Variants in ZKSCAN7 observed in about 807,000 individuals in gnomAD.
ZKSCAN7 encodes the protein zinc finger with KRAB and SCAN domains 7, also known as zinc finger protein with KRAB and SCAN domains 7.
A neutral mutation model predicts 65.3 loss-of-function variants in ZKSCAN7; 38 were observed. The ratio of observed to expected loss-of-function variants is 0.58; its 90% confidence interval spans 0.45 to 0.76. The LOEUF is 0.76. ZKSCAN7 is among the 30% of genes least tolerant of loss of function. The probability of loss-of-function intolerance (pLI) is 0.00; values close to 1 mark genes in which losing one functional copy is unlikely to be tolerated. For missense variants in ZKSCAN7, 815 were observed against 913.3 expected (o/e 0.89, Z 1.39); for synonymous variants, 321 against 321.0 (o/e 1.00, Z 0.00).
rs766396706 is a variant in ZKSCAN7, at chr3:44,570,787, C to G, written c.1677C>G (p.Ala559=). The G allele has an allele frequency of 6.2e-7, 1 of 1,614,152 alleles. No homozygotes were observed. The highest frequency in any genetic ancestry group is 1.1e-5 in the South Asian group (1 of 91,072). The change falls in exon 6 of 6, where the codon GCC becomes GCG. Residue 559 remains alanine (A), a synonymous_variant. Transcript: ENST00000426540. ...ATGAGTGTAGTGAATGTGGCAAAGCCTTCAGTCGGAGTAAATGTCTTATTC... is the reference window on the plus strand; with the variant it reads ...ATGAGTGTAGTGAATGTGGCAAAGCGTTCAGTCGGAGTAAATGTCTTATTC... ...KPYECSECGK[A]FSRSKCLIRH... is the part of the protein sequence containing the mutation.
At position 44,565,397 on chromosome 3, in the gene ZKSCAN7, C is replaced by T. The variant is rs190830678; in HGVS notation, c.424-90C>T. 1.2e-3 allele frequency: 1,559 copies of T among 1,326,016 alleles called. 6 individuals are homozygous for T. Among genetic ancestry groups the T allele is most frequent in the Admixed American group, 8.4e-3 (303 of 35,922 alleles). 82.1% of individuals were successfully genotyped at this position (1,326,016 alleles called of 1,614,324 possible). A position where few individuals can be genotyped will look rare whatever the true frequency, so the allele number is the denominator to read the frequency against. On this transcript the variant is annotated intron_variant, in intron 2 of 5. Coordinates refer to ENST00000426540, the MANE Select transcript of ZKSCAN7 (RefSeq NM_001288590.2). ...ACACCCTGGCTCTTCTTTTCCCTGGCTTTCTTTCTGGAGGGAGCTGCTTAG... is the reference window on the plus strand; with the variant it reads ...ACACCCTGGCTCTTCTTTTCCCTGGTTTTCTTTCTGGAGGGAGCTGCTTAG...
chr3:44,560,466 C>T (rs1409420867), intron 2 of ZKSCAN7, among the ~76,000 whole-genome samples: 1 of 150,790 alleles, frequency 6.6e-6, no homozygotes, highest in Non-Finnish European at 1.5e-5. Flanking sequence ...TGCTGGGCTG[C>T]AGAGTCATGC....
Position 44,568,336 on chromosome 3 carries a change from A to G in ZKSCAN7, c.714A>G (p.Val238=), listed in dbSNP as rs969423709. ...QDTVAYEDLS[V]DYTQKKWKSL... The stretch of plus-strand genomic sequence containing the variant: ...CTGTGGCATATGAGGACCTATCTGT[A>G]GACTACACTCAGAAGAAATGGAAAA... Residue 238 remains valine (V), a synonymous_variant, in exon 5 of 6, where the codon GTA becomes GTG. Transcript: ENST00000426540. 1.6e-5 allele frequency: 26 copies of G among 1,613,880 alleles called. No individual in the cohort carries two copies. Among genetic ancestry groups the G allele is most frequent in the Non-Finnish European group, 2.0e-5 (24 of 1,179,970 alleles).
chr3:44,580,125 A>G, intron 5 of ZKSCAN7: 9 of 1,609,590 alleles, frequency 5.6e-6, no homozygotes, highest in Non-Finnish European at 7.6e-6. Context: ...AAACTTTTCA[A>G]TCACCTGGGA....
downstream of ZKSCAN7, among the ~76,000 whole-genome samples, chr3:44,575,518 AT>A (rs1699906111): frequency 6.6e-6 from 1 of 152,262 alleles, no homozygotes; most frequent in Non-Finnish European, 1.5e-5. Flanking sequence ...TTATCAAGTT[AT>A]AAAAAATCTA....
chr3:44,581,305 T>C (rs1700081904), intron 5 of ZKSCAN7, among the ~76,000 whole-genome samples: 1 of 150,392 alleles, frequency 6.6e-6, no homozygotes, highest in Non-Finnish European at 1.5e-5. Flanking sequence ...GCGGCCCGCC[T>C]CTCAAGCTCC....
chr3:44,572,867 A>AAAAAAAAAAAAAAAAAAAAAAAC (rs1699848049), downstream of ZKSCAN7, among the ~76,000 whole-genome samples: 1 of 149,924 alleles, frequency 6.7e-6, no homozygotes. Flanking sequence ...AAAAAAAAAA[A>AAAAAAAAAAAAAAAAAAAAAAAC]AAAGAACTGT....
downstream of ZKSCAN7, among the ~76,000 whole-genome samples, chr3:44,572,743 G>C (rs994065455): frequency 1.3e-5 from 2 of 150,960 alleles, no homozygotes; most frequent in African/African-American, 4.9e-5. Context: ...CCAGCTATTC[G>C]GGAGGCTGAG....
chr3:44,571,886 C>A lies in ZKSCAN7; in HGVS notation c.*511C>A. On this transcript the variant is annotated 3_prime_UTR_variant, in exon 6 of 6. Transcript: ENST00000426540. ...TTCTTCTGTTTGCTAATCTTTGTCC[C>A]TCACAATTTTTGAAATCCATCTCAT... 6 of 986,856 alleles carry A rather than the reference C, an allele frequency of 6.1e-6. No homozygotes were observed. Among genetic ancestry groups the A allele is most frequent in the Non-Finnish European group, 7.2e-6 (6 of 830,846 alleles). The allele number at this position is 986,856 out of a possible 1,614,324, so 61.1% of individuals were successfully genotyped here. A position where few individuals can be genotyped will look rare whatever the true frequency, so the allele number is the denominator to read the frequency against.
chr3:44,580,266 C>T (rs1700039516), intron 5 of ZKSCAN7: 1 of 1,613,804 alleles, frequency 6.2e-7, no homozygotes, highest in African/African-American at 1.3e-5. Flanking sequence ...TTTGCGGCCA[C>T]AGTCCATGCG....
intron 2 of ZKSCAN7, 112 bp from the exon 3 acceptor site, chr3:44,565,375 C>A: frequency 9.0e-7 from 1 of 1,105,972 alleles, no homozygotes; most frequent in Non-Finnish European, 1.3e-6. Flanking sequence ...TGGAAGGACA[C>A]CCTGGCTCTT....
Position 44,570,496 on chromosome 3 carries a change from T to C in ZKSCAN7, c.1386T>C (p.Asn462=). The change falls in exon 6 of 6, where the codon AAT becomes AAC. Residue 462 remains asparagine (N), a synonymous_variant. Coordinates refer to ENST00000426540, the MANE Select transcript of ZKSCAN7 (RefSeq NM_001288590.2). ...SHLIQHQRLH[N]GEKPYKCNEC... ...TCATTCAACACCAGAGACTCCATAA[T>C]GGGGAGAAACCCTATAAATGTAATG... The C allele has an allele frequency of 6.2e-7, 1 of 1,614,192 alleles. No homozygotes were observed. The highest frequency in any genetic ancestry group is 8.5e-7 in the Non-Finnish European group (1 of 1,180,026).
downstream of ZKSCAN7, among the ~76,000 whole-genome samples, chr3:44,574,245 T>G (rs7623875): frequency 0.72 from 109,788 of 151,988 alleles, 39,851 homozygotes; most frequent in East Asian, 0.83. Flanking sequence ...CCAAGTAGCT[T>G]GGACTACAGG....
At chr3:44,579,845 T>C in intron 5 of ZKSCAN7, 2 of 1,611,528 alleles carry the variant, frequency 1.2e-6, no homozygotes. Context: ...GTCCTCATAC[T>C]GCTTAGTCAG....
rs947388020 is a variant in ZKSCAN7 at position 44,563,763 on chromosome 3, C to T, written c.424-1724C>T. On this transcript the variant is annotated intron_variant, in intron 2 of 5. Transcript: ENST00000426540. ...CCATATCAAAGTCCTAGATAATGAA[C>T]AGGAACTTTACCAGGATTAAATTAT... Among the ~76,000 whole-genome samples the T allele has an allele frequency of 4.7e-5, 7 of 150,402 alleles. No individual in the cohort carries two copies. The Admixed American group carries it at 4.7e-4, about 10-fold the overall frequency.
At position 44,562,977 on chromosome 3, in the gene ZKSCAN7, A is replaced by AAC. The variant is rs201357110; in HGVS notation, c.424-2509_424-2508insCA. On this transcript the variant is annotated intron_variant, in intron 2 of 5. Coordinates refer to ENST00000426540, the MANE Select transcript of ZKSCAN7 (RefSeq NM_001288590.2). ...AGAATGAGACTCCATCTCAAAAAACAAAAAAAAAAAAAGGAAATTTCTTCT... is the reference window on the plus strand; with the variant it reads ...AGAATGAGACTCCATCTCAAAAAACAACAAAAAAAAAAAAGGAAATTTCTTCT... Among the ~76,000 whole-genome samples the AAC allele has an allele frequency of 4.0e-3, 542 of 136,736 alleles. 4 individuals are homozygous for AAC. Among genetic ancestry groups the AAC allele is most frequent in the Non-Finnish European group, 6.8e-3 (440 of 64,464 alleles). The allele number at this position is 136,736 out of a possible 152,430, so 89.7% of individuals were successfully genotyped here. A position where few individuals can be genotyped will look rare whatever the true frequency, so the allele number is the denominator to read the frequency against.
Position 44,571,546 on chromosome 3 carries a change from C to T in ZKSCAN7, c.*171C>T, listed in dbSNP as rs917391535. On this transcript the variant is annotated 3_prime_UTR_variant, in exon 6 of 6. Transcript: ENST00000426540. ...GGAGTAACTTATTCCAGTTCTTACC[C>T]ATTATTAGGAAGGTAAGGACTACAC... 5 of 1,503,032 alleles carry T rather than the reference C, an allele frequency of 3.3e-6. No individual in the cohort carries two copies. The highest frequency in any genetic ancestry group is 1.4e-5 in the African/African-American group (1 of 71,758). 93.1% of individuals were successfully genotyped at this position (1,503,032 alleles called of 1,614,324 possible). A position where few individuals can be genotyped will look rare whatever the true frequency, so the allele number is the denominator to read the frequency against.
Position 44,565,869 on chromosome 3 carries a change from A to G in ZKSCAN7, c.592+214A>G, listed in dbSNP as rs556294252. Among the ~76,000 whole-genome samples, 15 of 152,354 alleles carry G rather than the reference A, an allele frequency of 9.8e-5. No homozygotes were observed. In the South Asian group the frequency reaches 3.1e-3, roughly 32 times the overall value. Reference sequence around the variant, plus strand: ...ATCAAGGGCATGTCGTAGGAAAGGCACTGCCAGAGACCAGAGAGATGTAGT... The same window carrying G: ...ATCAAGGGCATGTCGTAGGAAAGGCGCTGCCAGAGACCAGAGAGATGTAGT... On this transcript the variant is annotated intron_variant, in intron 3 of 5. Transcript: ENST00000426540.
intron 5 of ZKSCAN7, chr3:44,579,979 G>T: frequency 6.3e-7 from 1 of 1,588,732 alleles, no homozygotes; most frequent in South Asian, 1.1e-5. Flanking sequence ...GGAGCTTGGG[G>T]GGGGGCTTCA....
Sources: gnomAD v4.1 joint callset for allele counts (sites outside exome capture counted in the v4.1 genomes callset) on GRCh38, gnomAD v4.1.1 for gene constraint, MANE v1.5 for transcripts, NCBI Gene and HGNC (gene_info 2026-07-23, HGNC 2026-07-21) for gene names.